Variants in USP37 observed in about 807,000 individuals in gnomAD.
USP37 encodes ubiquitin specific peptidase 37, also known as ubiquitin carboxyl-terminal hydrolase 37.
USP37 carries 27 observed loss-of-function variants against 124.0 expected under a neutral mutation model. That is an observed-to-expected ratio of 0.22 (90% CI 0.16 to 0.30). USP37 has a LOEUF of 0.30. Among genes scored for constraint, USP37 ranks in the 10% least tolerant of loss-of-function variants. The pLI is 1.00. For synonymous variants in USP37, 365 were observed against 388.0 expected (o/e 0.94, Z 0.70); for missense variants, 889 against 1,140.4 (o/e 0.78, Z 3.17).
At chr2:218,482,906 T>C (rs966706619) in intron 16 of USP37, among the ~76,000 whole-genome samples, 21 of 152,178 alleles carry the variant, frequency 1.4e-4, no homozygotes, top group African/African-American at 5.1e-4. Flanking sequence ...CTCTGCTTGA[T>C]GGATTAAATA....
intron 10 of USP37, among the ~76,000 whole-genome samples, chr2:218,519,789 G>A (rs1040415544): frequency 1.3e-5 from 2 of 151,900 alleles, no homozygotes; most frequent in African/African-American, 4.8e-5. Context: ...ATTATTAGTA[G>A]AGACGGGGTT....
At chr2:218,543,119 G>T (rs1331398531) in intron 8 of USP37, among the ~76,000 whole-genome samples, 1 of 152,202 alleles carries the variant, frequency 6.6e-6, no homozygotes, top group African/African-American at 2.4e-5. Flanking sequence ...ATACTGGTCT[G>T]TGTTAGTGCT....
intron 5 of USP37, among the ~76,000 whole-genome samples, chr2:218,552,766 A>C (rs991476382): frequency 1.3e-5 from 2 of 152,158 alleles, no homozygotes; most frequent in Admixed American, 1.3e-4. Context: ...ACTTCAGAAT[A>C]ATTTTCATAT....
Position 218,509,970 on chromosome 2 carries a change from T to G in USP37, c.1025+9A>C. 1 of 1,515,814 alleles carries G rather than the reference T, an allele frequency of 6.6e-7. No individual in the cohort carries two copies. The highest frequency in any genetic ancestry group is 8.9e-7 in the Non-Finnish European group (1 of 1,126,864). The allele number at this position is 1,515,814 out of a possible 1,614,324, so 93.9% of individuals were successfully genotyped here. Reference sequence around the variant, plus strand: ...TAAAAAAGAAAGTAAAATGAAAGAATTGACCTACCCCTGCAGTTGCTGCTG... The same window carrying G: ...TAAAAAAGAAAGTAAAATGAAAGAAGTGACCTACCCCTGCAGTTGCTGCTG... On this transcript the variant is annotated intron_variant, in intron 11 of 25. Coordinates refer to ENST00000258399, the MANE Select transcript of USP37 (RefSeq NM_020935.3).
At position 218,539,456 on chromosome 2, in the gene USP37, C is replaced by T. The variant is rs1405263836; in HGVS notation, c.681-4750G>A. Among the ~76,000 whole-genome samples, 4 of 151,636 alleles carry T rather than the reference C, an allele frequency of 2.6e-5. No individual in the cohort carries two copies. The East Asian group carries it at 5.9e-4, about 22-fold the overall frequency. On this transcript the variant is annotated intron_variant, in intron 8 of 25. Transcript: ENST00000258399. Reference sequence around the variant, plus strand: ...TTGGCCGGGCACAGTGGCTCACACCCGTAATCCCAACACTTTGGGAGGCTG... The same window carrying T: ...TTGGCCGGGCACAGTGGCTCACACCTGTAATCCCAACACTTTGGGAGGCTG...
chr2:218,492,786 T>C (rs1205877763), intron 14 of USP37, among the ~76,000 whole-genome samples: 3 of 152,052 alleles, frequency 2.0e-5, no homozygotes, highest in South Asian at 2.1e-4. Context: ...GGTGGGAGGG[T>C]TGCTTGAGGC....
At chr2:218,518,040 T>C (rs1690395836) in intron 10 of USP37, among the ~76,000 whole-genome samples, 1 of 152,118 alleles carries the variant, frequency 6.6e-6, no homozygotes, top group Non-Finnish European at 1.5e-5. Flanking sequence ...ATTGCAGTTT[T>C]GACCTCCTGG....
Position 218,534,493 on chromosome 2 carries a change from A to ACT in USP37, c.778+115_778+116insAG. On this transcript the variant is annotated intron_variant, in intron 9 of 25. Transcript: ENST00000258399. ...GACAGAGCAAGACTCCGTCTCAAAAAATATATATAAATAAATAAAAATAAA... is the reference window on the plus strand; with the variant it reads ...GACAGAGCAAGACTCCGTCTCAAAAACTATATATATAAATAAATAAAAATAAA... The ACT allele has an allele frequency of 1.1e-5, 5 of 473,336 alleles. No individual in the cohort carries two copies. In the South Asian group the frequency reaches 2.3e-4, roughly 22 times the overall value. 29.3% of individuals were successfully genotyped at this position (473,336 alleles called of 1,614,324 possible). A position where few individuals can be genotyped will look rare whatever the true frequency, so the allele number is the denominator to read the frequency against.
intron 16 of USP37, among the ~76,000 whole-genome samples, chr2:218,482,692 T>C (rs769349449): frequency 2.0e-5 from 3 of 152,220 alleles, no homozygotes; most frequent in Non-Finnish European, 4.4e-5. Flanking sequence ...TGATGAGAAT[T>C]ATTCTTTTAT....
At chr2:218,478,881 C>T (rs1440329107) in intron 18 of USP37, among the ~76,000 whole-genome samples, 1 of 152,000 alleles carries the variant, frequency 6.6e-6, no homozygotes, top group East Asian at 1.9e-4. Context: ...AAATAATTAA[C>T]AGGAGGAAAA....
intron 10 of USP37, among the ~76,000 whole-genome samples, chr2:218,525,625 G>A (rs1183646165): frequency 6.6e-6 from 1 of 152,084 alleles, no homozygotes; most frequent in Non-Finnish European, 1.5e-5. Flanking sequence ...ATGTCAATCT[G>A]ATTTCTCCAC....
chr2:218,547,665 T>C (rs777020632), intron 6 of USP37, among the ~76,000 whole-genome samples: 4 of 149,104 alleles, frequency 2.7e-5, no homozygotes, highest in Admixed American at 6.7e-5. Context: ...GAAAAAAATA[T>C]CTAATTATGA....
chr2:218,493,001 T>C (rs995185842), intron 14 of USP37, among the ~76,000 whole-genome samples: 3 of 151,274 alleles, frequency 2.0e-5, no homozygotes, highest in Admixed American at 6.6e-5. Flanking sequence ...AGCAAGACTC[T>C]GTCTTAAAAA....
chr2:218,459,725 G>C, intron 23 of USP37, 65 bp downstream of exon 23: 2 of 1,405,500 alleles, frequency 1.4e-6, no homozygotes, highest in Non-Finnish European at 2.0e-6. Flanking sequence ...TGGGGCCTTT[G>C]AAGTAAAGAG....
chr2:218,550,130 C>A (rs1474611049), intron 5 of USP37, among the ~76,000 whole-genome samples: 1 of 151,724 alleles, frequency 6.6e-6, no homozygotes, highest in Admixed American at 6.6e-5. Flanking sequence ...AATTAAGTAA[C>A]ACATATACCT....
At chr2:218,509,807 A>G (rs572212344) in intron 11 of USP37, among the ~76,000 whole-genome samples, 172 bp downstream of exon 11, 1 of 152,332 alleles carries the variant, frequency 6.6e-6, no homozygotes, top group African/African-American at 2.4e-5. Context: ...TTGTTTGGTG[A>G]ACAGAAAATG....
intron 5 of USP37, among the ~76,000 whole-genome samples, chr2:218,552,818 T>A (rs1366493687): frequency 6.6e-6 from 1 of 152,078 alleles, no homozygotes; most frequent in Non-Finnish European, 1.5e-5. Flanking sequence ...AGGTAACTTT[T>A]CCCAACTGTA....
chr2:218,539,855 C>T (rs1166919630), intron 8 of USP37, among the ~76,000 whole-genome samples: 1 of 151,680 alleles, frequency 6.6e-6, no homozygotes. Flanking sequence ...ACTAAAAATA[C>T]AAAAATTAGC....
chr2:218,566,007 C>T (rs547534342), intron 1 of USP37, among the ~76,000 whole-genome samples: 2 of 152,224 alleles, frequency 1.3e-5, no homozygotes, highest in South Asian at 4.2e-4. Context: ...TGAGATCATG[C>T]CATTGTACTC....
Sources: gnomAD v4.1 joint callset for allele counts (sites outside exome capture counted in the v4.1 genomes callset) on GRCh38, gnomAD v4.1.1 for gene constraint, MANE v1.5 for transcripts, NCBI Gene and HGNC (gene_info 2026-07-23, HGNC 2026-07-21) for gene names.